Variants in CCDC146 observed in about 807,000 individuals in gnomAD.
CCDC146 encodes the protein coiled-coil domain containing 146, also known as coiled-coil domain-containing protein 146.
CCDC146 carries 92 observed loss-of-function variants against 119.3 expected under a neutral mutation model. The observed-to-expected ratio is 0.77, with a 90% CI of 0.65 to 0.92. The LOEUF is 0.92. Among genes scored for constraint, CCDC146 ranks in the 40% least tolerant of loss-of-function variants. The pLI is 0.00. For synonymous variants in CCDC146, 372 were observed against 371.8 expected (o/e 1.00, Z -0.01); for missense variants, 1,000 against 1,103.0 (o/e 0.91, Z 1.32).
At chr7:77,214,164 T>C (rs1012262038) in intron 2 of CCDC146, among the ~76,000 whole-genome samples, 1 of 152,200 alleles carries the variant, frequency 6.6e-6, no homozygotes, top group African/African-American at 2.4e-5. Flanking sequence ...TTCTGATTGG[T>C]GTGAGATGGT....
intron 4 of CCDC146, among the ~76,000 whole-genome samples, chr7:77,251,732 A>G (rs1328762199): frequency 6.6e-6 from 1 of 152,188 alleles, no homozygotes. Context: ...GTGATTCTCA[A>G]GAGAATTAAA....
At chr7:77,280,397 T>A (rs758540506) in intron 13 of CCDC146, 32 bp from the exon 14 acceptor site, 1 of 1,505,930 alleles carries the variant, frequency 6.6e-7, no homozygotes, top group Non-Finnish European at 9.0e-7. Flanking sequence ...AAGAAAATTA[T>A]AATCTTACCC....
chr7:77,212,912 G>C (rs1037288247), intron 2 of CCDC146, among the ~76,000 whole-genome samples: 4 of 148,226 alleles, frequency 2.7e-5, no homozygotes, highest in Non-Finnish European at 5.9e-5. Flanking sequence ...TATAATCATA[G>C]AGCCTTAGTG....
At chr7:77,258,367 C>T (rs1464363178) in intron 6 of CCDC146, among the ~76,000 whole-genome samples, 1 of 152,260 alleles carries the variant, frequency 6.6e-6, no homozygotes, top group South Asian at 2.1e-4. Context: ...GGCAGACGGG[C>T]CCTGGCTTAT....
intron 1 of CCDC146, among the ~76,000 whole-genome samples, chr7:77,151,054 A>C (rs1363025512): frequency 6.6e-6 from 1 of 152,214 alleles, no homozygotes; most frequent in Non-Finnish European, 1.5e-5. Flanking sequence ...GGAGACTGGA[A>C]GTCAGAGATC....
intron 4 of CCDC146, among the ~76,000 whole-genome samples, chr7:77,245,167 G>C (rs1253888623): frequency 6.6e-6 from 1 of 152,150 alleles, no homozygotes; most frequent in Admixed American, 6.6e-5. Context: ...CTATGTTGCA[G>C]TAGTTTCTGT....
chr7:77,288,692 G>C (rs1476515499), intron 17 of CCDC146, among the ~76,000 whole-genome samples: 1 of 152,202 alleles, frequency 6.6e-6, no homozygotes, highest in Non-Finnish European at 1.5e-5. Context: ...TGCTAGGCAT[G>C]AGTTCAGAAA....
chr7:77,217,562 T>A (rs3114303), intron 2 of CCDC146, among the ~76,000 whole-genome samples: 3 of 147,212 alleles, frequency 2.0e-5, no homozygotes, highest in African/African-American at 7.5e-5. Flanking sequence ...TATATATATA[T>A]AGAGAGAGAG....
chr7:77,202,601 C>A (rs568336194), intron 2 of CCDC146, among the ~76,000 whole-genome samples: 3 of 152,234 alleles, frequency 2.0e-5, no homozygotes, highest in African/African-American at 7.2e-5. Context: ...GACAGGTGAC[C>A]TGCTAGGTTC....
At position 77,280,783 on chromosome 7, in the gene CCDC146, G is replaced by C. The variant is rs1248371409; in HGVS notation, c.1919+130G>C. The stretch of plus-strand genomic sequence containing the variant: ...AGGTTGCATTAGCCTTTGGAGAGAA[G>C]GGACTGTGTGTTGCTTCCCTGGAAA... On this transcript the variant is annotated intron_variant, in intron 14 of 18. Transcript: ENST00000285871. The C allele has an allele frequency of 9.1e-6, 6 of 658,622 alleles. No individual in the cohort carries two copies. In the African/African-American group the frequency reaches 1.1e-4, roughly 12 times the overall value. 40.8% of individuals were successfully genotyped at this position (658,622 alleles called of 1,614,324 possible). A position where few individuals can be genotyped will look rare whatever the true frequency, so the allele number is the denominator to read the frequency against.
At chr7:77,132,788 G>A (rs927634025) in intron 1 of CCDC146, among the ~76,000 whole-genome samples, 5 of 152,068 alleles carry the variant, frequency 3.3e-5, no homozygotes, top group Admixed American at 6.5e-5. Context: ...ATAAAATTAA[G>A]CAGTGTAATT....
chr7:77,200,402 G>GA (rs1220500567), intron 2 of CCDC146, among the ~76,000 whole-genome samples: 1 of 152,176 alleles, frequency 6.6e-6, no homozygotes, highest in Non-Finnish European at 1.5e-5. Flanking sequence ...AACTAGTGGA[G>GA]AAAAAAGTGC....
At position 77,280,574 on chromosome 7, in the gene CCDC146, A is replaced by C; in HGVS notation, c.1840A>C (p.Asn614His). ...AQLNNIDRLA[N>H]TITMIEEEMV... ...GTTAAATAACATTGACAGACTTGCCAACACGATCACAATGATCGAAGAGGA... is the reference window on the plus strand; with the variant it reads ...GTTAAATAACATTGACAGACTTGCCCACACGATCACAATGATCGAAGAGGA... Residue 614 changes from asparagine to histidine, a missense_variant, in exon 14 of 19, where the codon AAC becomes CAC. By Grantham distance (68) the Asn-to-His change is moderately conservative. Around this residue, in one of 2 missense-constraint regions of CCDC146, gnomAD observed 985 missense variants for 1,045.3 expected, o/e 0.94. Coordinates refer to ENST00000285871, the MANE Select transcript of CCDC146 (RefSeq NM_020879.3). 1 of 1,614,176 alleles carries C rather than the reference A, an allele frequency of 6.2e-7. No individual in the cohort carries two copies. The highest frequency in any genetic ancestry group is 8.5e-7 in the Non-Finnish European group (1 of 1,180,016).
chr7:77,293,295 C>A, intron 18 of CCDC146, 95 bp downstream of exon 18: 2 of 1,328,132 alleles, frequency 1.5e-6, no homozygotes, highest in Non-Finnish European at 2.1e-6. Context: ...GAAAAATTTC[C>A]CCACTCTACC....
At chr7:77,197,367 C>T (rs933657452) in intron 2 of CCDC146, among the ~76,000 whole-genome samples, 2 of 152,202 alleles carry the variant, frequency 1.3e-5, no homozygotes, top group Admixed American at 6.5e-5. Flanking sequence ...ATGATGTAGG[C>T]GTTACTGCCA....
At position 77,280,596 on chromosome 7, in the gene CCDC146, A is replaced by G. The variant is rs79140393; in HGVS notation, c.1862A>G (p.Glu621Gly). ...RLANTITMIE[E>G]EMVQLRKRYE... ...GCCAACACGATCACAATGATCGAAG[A>G]GGAGATGGTGCAGCTTCGCAAAAGA... The change falls in exon 14 of 19, where the codon GAG (glutamate) becomes GGG (glycine). Residue 621 changes from glutamate (E) to glycine (G), a missense_variant. Physicochemically the swap from Glu to Gly is moderately conservative, Grantham distance 98. Around this residue, in one of 2 missense-constraint regions of CCDC146, gnomAD observed 985 missense variants for 1,045.3 expected, o/e 0.94. Transcript: ENST00000285871. 641 of 1,614,138 alleles carry G rather than the reference A, an allele frequency of 4.0e-4. 1 individual carries two copies. The African/African-American group carries it at 7.6e-3, about 19-fold the overall frequency.
intron 2 of CCDC146, among the ~76,000 whole-genome samples, chr7:77,232,768 G>C (rs570681958): frequency 6.6e-6 from 1 of 152,186 alleles, no homozygotes; most frequent in Non-Finnish European, 1.5e-5. Context: ...TGCCCATGGG[G>C]AAGAAGGGGA....
chr7:77,238,562 GC>G (rs1792782775), intron 3 of CCDC146, among the ~76,000 whole-genome samples: 1 of 152,070 alleles, frequency 6.6e-6, no homozygotes, highest in African/African-American at 2.4e-5. Context: ...GACTACAGGA[GC>G]CCGCCACCAC....
intron 3 of CCDC146, among the ~76,000 whole-genome samples, chr7:77,239,972 C>G (rs1312080202): frequency 2.6e-5 from 4 of 152,204 alleles, no homozygotes; most frequent in Non-Finnish European, 5.9e-5. Flanking sequence ...AATTTAGAAT[C>G]AGAAATCTGT....
Sources: gnomAD v4.1 joint callset for allele counts (sites outside exome capture counted in the v4.1 genomes callset) on GRCh38, gnomAD v4.1.1 for gene constraint, gnomAD v4.1.1 regional missense constraint, MANE v1.5 for transcripts, NCBI Gene and HGNC (gene_info 2026-07-23, HGNC 2026-07-21) for gene names.